CADPS2: variants seen among roughly 807,000 people sequenced by gnomAD.
The protein encoded by CADPS2 is calcium-dependent secretion activator 2.
CADPS2 carries 93 observed loss-of-function variants against 172.5 expected under a neutral mutation model. The observed-to-expected ratio is 0.54, with a 90% confidence interval of 0.46 to 0.64. CADPS2 has a LOEUF of 0.64. Among genes scored for constraint, CADPS2 ranks in the 30% least tolerant of loss-of-function variants. The pLI is 0.00. For missense variants in CADPS2, 1,420 were observed against 1,565.9 expected (o/e 0.91, Z 1.57); for synonymous variants, 546 against 555.2 (o/e 0.98, Z 0.23).
intron 10 of CADPS2, among the ~76,000 whole-genome samples, chr7:122,490,862 C>A (rs577317290): frequency 2.6e-4 from 39 of 151,954 alleles, no homozygotes; most frequent in African/African-American, 9.4e-4. Context: ...TTCATTCATT[C>A]AATTTTTTAA....
chr7:122,593,590 C>G (rs535025644), intron 6 of CADPS2, among the ~76,000 whole-genome samples: 1 of 151,984 alleles, frequency 6.6e-6, no homozygotes, highest in Admixed American at 6.6e-5. Context: ...AGAGAATGTT[C>G]GTTATTCTTA....
chr7:122,670,737 G>A (rs1402810322), intron 2 of CADPS2, among the ~76,000 whole-genome samples: 1 of 151,736 alleles, frequency 6.6e-6, no homozygotes, highest in Non-Finnish European at 1.5e-5. Flanking sequence ...CTGACCTCAA[G>A]TGATCCACCT....
intron 28 of CADPS2, among the ~76,000 whole-genome samples, chr7:122,328,119 A>T (rs2034235061): frequency 7.5e-6 from 1 of 132,772 alleles, no homozygotes; most frequent in Admixed American, 8.4e-5. Context: ...TTTCTTGTAT[A>T]CAGTAAAATG....
chr7:122,868,675 T>C (rs1818919721), intron 1 of CADPS2, among the ~76,000 whole-genome samples: 1 of 152,060 alleles, frequency 6.6e-6, no homozygotes, highest in African/African-American at 2.4e-5. Context: ...TCAAGGAAAA[T>C]TAACTAACAG....
chr7:122,471,692 G>T (rs1199705227), intron 13 of CADPS2, 130 bp from the exon 14 acceptor site: 1 of 763,126 alleles, frequency 1.3e-6, no homozygotes, highest in Non-Finnish European at 2.0e-6. Flanking sequence ...TTTATTAGTG[G>T]TATGTTTCAT....
intron 8 of CADPS2, among the ~76,000 whole-genome samples, chr7:122,525,195 T>C (rs1434519566): frequency 6.6e-6 from 1 of 152,144 alleles, no homozygotes; most frequent in African/African-American, 2.4e-5. Context: ...ATAATCTCCA[T>C]GGACTATACT....
intron 1 of CADPS2, among the ~76,000 whole-genome samples, chr7:122,753,485 A>G (rs372356272): frequency 2.0e-5 from 3 of 152,330 alleles, no homozygotes; most frequent in Middle Eastern, 3.4e-3. Context: ...AACCTACTAC[A>G]TACCTGTACT....
chr7:122,463,153 T>C (rs1247175523), intron 14 of CADPS2, among the ~76,000 whole-genome samples: 1 of 152,170 alleles, frequency 6.6e-6, no homozygotes, highest in African/African-American at 2.4e-5. Flanking sequence ...TACATATATT[T>C]TTTTTTAAGT....
At chr7:122,365,412 A>G (rs1183348989) in intron 25 of CADPS2, among the ~76,000 whole-genome samples, 1 of 152,226 alleles carries the variant, frequency 6.6e-6, no homozygotes, top group East Asian at 1.9e-4. Flanking sequence ...CACACCTAGT[A>G]GAAGAGCTAC....
chr7:122,624,055 C>T (rs1295622463), intron 4 of CADPS2, among the ~76,000 whole-genome samples: 4 of 152,182 alleles, frequency 2.6e-5, no homozygotes, highest in Admixed American at 2.0e-4. Flanking sequence ...CTAGACTATA[C>T]TTGAATTTTT....
chr7:122,477,009 AGAGGAGAGG>A, intron 12 of CADPS2, among the ~76,000 whole-genome samples: 3 of 96,392 alleles, frequency 3.1e-5, no homozygotes, highest in African/African-American at 1.4e-4. Flanking sequence ...AGAGGAGAGG[AGAGGAGAGG>A]AGAGGAGAGG....
intron 6 of CADPS2, among the ~76,000 whole-genome samples, chr7:122,585,029 G>C (rs990107999): frequency 3.3e-5 from 5 of 151,912 alleles, no homozygotes; most frequent in Non-Finnish European, 7.4e-5. Flanking sequence ...TCTGAGTCAA[G>C]GGGAGGAAAT....
At chr7:122,424,422 TG>T in intron 17 of CADPS2, 1 of 660,320 alleles carries the variant, frequency 1.5e-6, no homozygotes, top group Non-Finnish European at 1.9e-6. Context: ...CAATGACAGC[TG>T]GGCTGAATCC....
chr7:122,597,316 C>A (rs990101081), intron 6 of CADPS2, among the ~76,000 whole-genome samples: 2 of 152,080 alleles, frequency 1.3e-5, no homozygotes, highest in Admixed American at 1.3e-4. Flanking sequence ...AGTAAAATAA[C>A]TATCATTATA....
At chr7:122,364,967 T>C (rs1425383564) in intron 25 of CADPS2, among the ~76,000 whole-genome samples, 2 of 152,034 alleles carry the variant, frequency 1.3e-5, no homozygotes, top group Non-Finnish European at 2.9e-5. Flanking sequence ...CTACAGGATA[T>C]GGGGTCAGCT....
intron 15 of CADPS2, among the ~76,000 whole-genome samples, chr7:122,450,990 C>T (rs1338168297): frequency 6.6e-6 from 1 of 152,132 alleles, no homozygotes; most frequent in Non-Finnish European, 1.5e-5. Context: ...CTTCAGAATA[C>T]TCTCTGCTGG....
chr7:122,859,010 A>C (rs1816162695), intron 1 of CADPS2, among the ~76,000 whole-genome samples: 1 of 152,226 alleles, frequency 6.6e-6, no homozygotes, highest in South Asian at 2.1e-4. Flanking sequence ...CATATAAAAA[A>C]AAATTAGGTA....
At chr7:122,830,444 T>C (rs1307064372) in intron 1 of CADPS2, among the ~76,000 whole-genome samples, 1 of 150,982 alleles carries the variant, frequency 6.6e-6, no homozygotes, top group African/African-American at 2.4e-5. Context: ...TCAAAAGGTC[T>C]GCAAAGAAGT....
chr7:122,771,874 G>A (rs1005611661), intron 1 of CADPS2, among the ~76,000 whole-genome samples: 2 of 152,160 alleles, frequency 1.3e-5, no homozygotes, highest in Non-Finnish European at 2.9e-5. Context: ...TGAACAGTGA[G>A]GTAAGGTGAC....
Sources: allele counts gnomAD v4.1 joint callset (sites outside exome capture counted in the v4.1 genomes callset), GRCh38; gene constraint gnomAD v4.1.1; transcripts MANE v1.5; gene names NCBI Gene and HGNC (gene_info 2026-07-23, HGNC 2026-07-21).